The following VIRMA variants were observed in gnomAD, a reference collection of about 807,000 sequenced individuals.
The protein encoded by VIRMA is protein virilizer homolog.
VIRMA carries 65 observed loss-of-function variants against 182.4 expected under a neutral mutation model. The observed-to-expected ratio is 0.36, with a 90% CI of 0.29 to 0.44. VIRMA has a LOEUF of 0.44. VIRMA is among the 20% of genes least tolerant of loss of function. The pLI, the probability that VIRMA is intolerant of heterozygous loss-of-function variation, is 1.00. For synonymous variants in VIRMA, 709 were observed against 743.1 expected, an observed-to-expected ratio of 0.95 and a Z score of 0.75; for missense variants, 1,752 against 2,158.1, an observed-to-expected ratio of 0.81 and a Z score of 3.73.
intron 17 of VIRMA, 81 bp from the exon 18 acceptor site, chr8:94,496,561 C>A: frequency 5.5e-6 from 6 of 1,098,930 alleles, no homozygotes; most frequent in South Asian, 1.8e-5. Context: ...ATTATCTAAG[C>A]CATATGCTGC....
chr8:94,518,068 T>C (rs1814623806), intron 9 of VIRMA, 126 bp from the exon 10 acceptor site: 2 of 615,596 alleles, frequency 3.2e-6, no homozygotes, highest in Admixed American at 6.0e-5. Context: ...TGACTAACTG[T>C]CTGAAGACAA....
intron 16 of VIRMA, among the ~76,000 whole-genome samples, chr8:94,504,024 A>C (rs1814073611): frequency 6.6e-6 from 1 of 152,036 alleles, no homozygotes; most frequent in Admixed American, 6.6e-5. Flanking sequence ...AATTCAAAAA[A>C]TTAACTGGGT....
At position 94,491,835 on chromosome 8, in the gene VIRMA, C is replaced by T; in HGVS notation, c.4883G>A (p.Gly1628Glu). The T allele has an allele frequency of 6.2e-7, 1 of 1,613,738 alleles. No individual in the cohort carries two copies. The highest frequency in any genetic ancestry group is 8.5e-7 in the Non-Finnish European group (1 of 1,179,836). ...ATGAGGTCGTATACCCTGTCCAAAT[C>T]CTCCCCTGCCCCTTCCTCTTGGTGG... ...VPPPRGRGRG[G>E]FGQGIRPHDI... The change falls in exon 22 of 24, where the codon GGA (glycine) becomes GAA (glutamate). Residue 1628 changes from glycine (G) to glutamate (E), a missense_variant. By Grantham distance (98) the Gly-to-Glu change is moderately conservative. Around this residue, in one of 11 missense-constraint regions of VIRMA, gnomAD observed 27 missense variants for 60.8 expected, o/e 0.44. Transcript: ENST00000297591.
At chr8:94,546,590 T>C (rs986202925) in intron 1 of VIRMA, among the ~76,000 whole-genome samples, 1 of 151,274 alleles carries the variant, frequency 6.6e-6, no homozygotes, top group Admixed American at 6.5e-5. Flanking sequence ...CAATAGTTTT[T>C]GGGATACAAG....
chr8:94,494,011 A>G (rs1237505642), intron 20 of VIRMA, among the ~76,000 whole-genome samples: 1 of 152,210 alleles, frequency 6.6e-6, no homozygotes, highest in Admixed American at 6.5e-5. Flanking sequence ...TGAGAGCCAC[A>G]CCATAGCACA....
intron 20 of VIRMA, among the ~76,000 whole-genome samples, chr8:94,493,494 C>A (rs1050286103): frequency 3.9e-5 from 6 of 152,108 alleles, no homozygotes; most frequent in East Asian, 1.9e-4. Flanking sequence ...AAAATTAAAT[C>A]AAAATAAAAT....
chr8:94,511,203 C>A lies in VIRMA; in HGVS notation c.3372G>T (p.Leu1124Phe), dbSNP rs1256986123. 1 of 1,613,732 alleles carries A rather than the reference C, an allele frequency of 6.2e-7. No homozygotes were observed. Among genetic ancestry groups the A allele is most frequent in the South Asian group, 1.1e-5 (1 of 91,042 alleles). ...GTGATACCTGAGTTGTTTGCATGGG[C>A]AATGGAAGAGGCAGCAGCTCTGAAA... is the stretch of plus-strand genomic sequence containing the variant. ...ILLSELLPLP[L>F]PMQTTQVIEP... The change falls in exon 13 of 24, where the codon TTG becomes TTT. Residue 1124 changes from leucine (L) to phenylalanine (F), a missense_variant. Coordinates refer to ENST00000297591, the MANE Select transcript of VIRMA (RefSeq NM_015496.5).
At chr8:94,495,647 G>A (rs1813748273) in intron 19 of VIRMA, 84 bp downstream of exon 19, 2 of 1,135,728 alleles carry the variant, frequency 1.8e-6, no homozygotes, top group South Asian at 1.6e-5. Context: ...GCCCTTTATA[G>A]AAAAAAACGT....
At chr8:94,510,777 T>A in intron 13 of VIRMA, 125 bp from the exon 14 acceptor site, 1 of 790,878 alleles carries the variant, frequency 1.3e-6, no homozygotes, top group Non-Finnish European at 2.0e-6. Context: ...CATTTAATTT[T>A]CTATTATACA....
At chr8:94,492,142 C>T (rs1813622554) in intron 21 of VIRMA, among the ~76,000 whole-genome samples, 1 of 151,996 alleles carries the variant, frequency 6.6e-6, no homozygotes, top group South Asian at 2.1e-4. Context: ...TTATTCAAAC[C>T]TTCCAAAATC....
intron 17 of VIRMA, 84 bp downstream of exon 17, chr8:94,499,290 C>T (rs955845041): frequency 8.3e-6 from 8 of 962,526 alleles, no homozygotes; most frequent in Middle Eastern, 2.7e-4. Flanking sequence ...TGTGAGCCAT[C>T]GTACTTGGCC....
intron 1 of VIRMA, among the ~76,000 whole-genome samples, chr8:94,550,864 G>A (rs944055563): frequency 2.0e-5 from 3 of 151,964 alleles, no homozygotes; most frequent in Admixed American, 6.6e-5. Flanking sequence ...GACTATAGAC[G>A]CACACCGCCA....
intron 19 of VIRMA, 109 bp from the exon 20 acceptor site, chr8:94,495,065 A>G: frequency 1.3e-6 from 1 of 756,008 alleles, no homozygotes; most frequent in Non-Finnish European, 2.4e-6. Flanking sequence ...CAGTGGCACG[A>G]TCACAGTTCA....
intron 1 of VIRMA, 75 bp downstream of exon 1, chr8:94,553,310 G>C (rs3133658): frequency 0.59 from 829,392 of 1,413,638 alleles, 249,106 homozygotes; most frequent in East Asian, 0.81. Flanking sequence ...AAGGAAAAGT[G>C]GAGAACGCCT....
At chr8:94,518,022 G>T in intron 9 of VIRMA, 80 bp from the exon 10 acceptor site, 1 of 1,042,788 alleles carries the variant, frequency 9.6e-7, no homozygotes, top group Non-Finnish European at 1.4e-6. Context: ...TCTTCTACTT[G>T]GCTTTAAAGA....
chr8:94,512,954 G>A (rs1438266774), intron 11 of VIRMA, among the ~76,000 whole-genome samples: 1 of 152,196 alleles, frequency 6.6e-6, no homozygotes, highest in Non-Finnish European at 1.5e-5. Flanking sequence ...AATTGCCTAT[G>A]TCCTTAGCAC....
intron 2 of VIRMA, among the ~76,000 whole-genome samples, chr8:94,542,070 C>T (rs74911156): frequency 0.04 from 6,068 of 152,248 alleles, 130 homozygotes; most frequent in Non-Finnish European, 0.05. Flanking sequence ...GCTATGGTAG[C>T]CAGTCCCTAA....
rs996658070 is a variant in VIRMA at position 94,510,620 on chromosome 8, G to C, written c.3423C>G (p.Leu1141=). 6.2e-7 allele frequency: 1 copy of C among 1,613,886 alleles called. No individual in the cohort carries two copies. Residue 1141 remains leucine, a synonymous_variant, in exon 14 of 24, where the codon CTC becomes CTG. Transcript: ENST00000297591. ...VIEPHDISVA[L]NTRKLWSMHL... is the part of the protein sequence containing the mutation. ...GCATGCTCCACAATTTTCGGGTGTTGAGTGCCACTGATATATCATGTGGCT... is the reference window on the plus strand; with the variant it reads ...GCATGCTCCACAATTTTCGGGTGTTCAGTGCCACTGATATATCATGTGGCT...
In VIRMA at chr8:94,538,266, A is replaced by G; in HGVS notation, c.260T>C (p.Leu87Ser). 1 of 1,609,550 alleles carries G rather than the reference A, an allele frequency of 6.2e-7. No homozygotes were observed. The highest frequency in any genetic ancestry group is 8.5e-7 in the Non-Finnish European group (1 of 1,175,952). The change falls in exon 3 of 24, where the codon TTG becomes TCG. Residue 87 changes from leucine to serine, a missense_variant. Physicochemically the swap from Leu to Ser is moderately radical, Grantham distance 145. This residue lies in a region of VIRMA where 195 missense variants were observed against 191.7 expected (regional missense o/e 1.02). Transcript: ENST00000297591. ...TTACCTAGCAGGTACATACCTTCCC[A>G]ACCTATCGAAAACAGGGGCACTTGG... ...SKPSAPVFDR[L>S]GSLEYDENTS... is the part of the protein sequence containing the mutation.
Sources: gnomAD v4.1 joint callset for allele counts (sites outside exome capture counted in the v4.1 genomes callset) on GRCh38, gnomAD v4.1.1 for gene constraint, gnomAD v4.1.1 regional missense constraint, MANE v1.5 for transcripts, NCBI Gene and HGNC (gene_info 2026-07-23, HGNC 2026-07-21) for gene names.